The following EPB41L4A variants were observed in gnomAD, a reference collection of about 807,000 sequenced individuals.
EPB41L4A encodes the protein erythrocyte membrane protein band 4.1 like 4A, also known as band 4.1-like protein 4A.
A neutral mutation model predicts 108.6 loss-of-function variants in EPB41L4A; 100 were observed. The observed-to-expected ratio is 0.92, with a 90% CI of 0.78 to 1.09. EPB41L4A has a LOEUF of 1.09. Ranked by LOEUF, EPB41L4A falls within the 50% of genes least tolerant of loss-of-function variation. The pLI is 0.00. For synonymous variants in EPB41L4A, 319 were observed against 289.0 expected (o/e 1.10, Z -1.05); for missense variants, 1,030 against 842.7 (o/e 1.22, Z -2.75).
chr5:112,142,835 T>C (rs1192352280), exon 14 of EPB41L4A: 1 of 152,228 alleles, frequency 6.6e-6, no homozygotes, highest in Non-Finnish European at 1.5e-5. Flanking sequence ...CCTTTCTATA[T>C]CCACTCTCCT....
intron 1 of EPB41L4A, among the ~76,000 whole-genome samples, chr5:112,340,173 G>T (rs578222801): frequency 6.6e-6 from 1 of 152,054 alleles, no homozygotes; most frequent in Non-Finnish European, 1.5e-5. Flanking sequence ...AGGGAGTGAC[G>T]GAAGGAAAGG....
chr5:112,194,956 A>G (rs971965417), intron 16 of EPB41L4A, among the ~76,000 whole-genome samples: 10 of 152,344 alleles, frequency 6.6e-5, no homozygotes, highest in South Asian at 2.1e-4. Context: ...CAAAGCCGTA[A>G]GTCGGTGGTG....
chr5:112,395,733 A>C (rs941819060), intron 1 of EPB41L4A, among the ~76,000 whole-genome samples: 1 of 152,214 alleles, frequency 6.6e-6, no homozygotes, highest in African/African-American at 2.4e-5. Context: ...TGACCCAGTG[A>C]TCCCATTACT....
rs970221348 is a variant in EPB41L4A, at chr5:112,164,628, GT to G, written c.*361del. 5 of 156,344 alleles carry G rather than the reference GT, an allele frequency of 3.2e-5. No homozygotes were observed. The highest frequency in any genetic ancestry group is 1.2e-4 in the African/African-American group (5 of 41,502). The allele number at this position is 156,344 out of a possible 1,614,324, so 9.7% of individuals were successfully genotyped here. A position where few individuals can be genotyped will look rare whatever the true frequency, so the allele number is the denominator to read the frequency against. ...GCAGGCGGATCACTTGAGGTCAGGA[GT>G]TCGAGACCAGCCTCCAACATGGCAA... is the stretch of plus-strand genomic sequence containing the variant. On this transcript the variant is annotated 3_prime_UTR_variant, in exon 23 of 23. Coordinates refer to ENST00000261486, the MANE Select transcript of EPB41L4A (RefSeq NM_022140.5).
intron 1 of EPB41L4A, among the ~76,000 whole-genome samples, chr5:112,392,992 T>C (rs1254168306): frequency 1.3e-5 from 2 of 152,176 alleles, no homozygotes; most frequent in African/African-American, 4.8e-5. Context: ...GAATCACTAC[T>C]GGGTAAATAA....
chr5:112,407,391 C>A lies in EPB41L4A; in HGVS notation c.99+11550G>T, dbSNP rs545324932. Among the ~76,000 whole-genome samples, 6 of 152,256 alleles carry A rather than the reference C, an allele frequency of 3.9e-5. No homozygotes were observed. The East Asian group carries it at 1.2e-3, about 29-fold the overall frequency. ...GCCACAGCTGCTCCAAATGCCTTAA[C>A]CTACAATCCTGCTAGAAATCCCCAA... is the stretch of plus-strand genomic sequence containing the variant. On this transcript the variant is annotated intron_variant, in intron 1 of 22. Transcript: ENST00000261486.
At chr5:112,419,444 T>C (rs1762948485), upstream of EPB41L4A, 2 of 359,070 alleles carry the variant, frequency 5.6e-6, no homozygotes, top group Non-Finnish European at 5.5e-6. Context: ...CTCCCCGGCC[T>C]TGGAAAACCC....
exon 13 of EPB41L4A, chr5:112,145,988 G>C (rs923203680): frequency 2.2e-6 from 1 of 456,416 alleles, no homozygotes; most frequent in African/African-American, 2.0e-5. Flanking sequence ...AGGTCTGGAG[G>C]TCTGGACACC....
intron 13 of EPB41L4A, among the ~76,000 whole-genome samples, chr5:112,206,548 T>A (rs925444309): frequency 6.6e-6 from 1 of 152,160 alleles, no homozygotes; most frequent in Non-Finnish European, 1.5e-5. Context: ...GCTTACCTTT[T>A]GAAATGATGA....
chr5:112,188,689 C>A (rs1162148490), intron 17 of EPB41L4A, among the ~76,000 whole-genome samples: 4 of 152,180 alleles, frequency 2.6e-5, no homozygotes, highest in African/African-American at 7.2e-5. Flanking sequence ...GAACTCTTCT[C>A]TCCGTACCCA....
chr5:112,286,581 G>A (rs1307514267), intron 2 of EPB41L4A, among the ~76,000 whole-genome samples: 3 of 152,026 alleles, frequency 2.0e-5, no homozygotes, highest in Non-Finnish European at 2.9e-5. Context: ...TCCTGGCCCC[G>A]TCGACCAACC....
intron 1 of EPB41L4A, among the ~76,000 whole-genome samples, chr5:112,403,504 G>A (rs1411024939): frequency 6.6e-6 from 1 of 152,074 alleles, no homozygotes; most frequent in African/African-American, 2.4e-5. Flanking sequence ...TAGAGACAGG[G>A]TCTCACTCTG....
chr5:112,181,567 A>G (rs781749917), intron 18 of EPB41L4A, among the ~76,000 whole-genome samples: 1 of 152,236 alleles, frequency 6.6e-6, no homozygotes, highest in Non-Finnish European at 1.5e-5. Context: ...GAATGTCTAT[A>G]ACGCAATGGC....
At chr5:112,375,142 A>G (rs1759730580) in intron 1 of EPB41L4A, among the ~76,000 whole-genome samples, 1 of 152,178 alleles carries the variant, frequency 6.6e-6, no homozygotes. Context: ...TTTAAAGGAC[A>G]GAGTTGAGAC....
intron 1 of EPB41L4A, among the ~76,000 whole-genome samples, chr5:112,402,523 G>A (rs991188242): frequency 2.6e-5 from 4 of 151,962 alleles, no homozygotes; most frequent in Admixed American, 6.6e-5. Flanking sequence ...TTGCTTCAGC[G>A]GCACATATAC....
At position 112,189,649 on chromosome 5, in the gene EPB41L4A, T is replaced by G. The variant is rs142100301; in HGVS notation, c.1502+4919A>C. 2.0e-5 allele frequency among the ~76,000 whole-genome samples: 3 copies of G among 152,222 alleles called. No homozygotes were observed. The East Asian group carries it at 5.8e-4, about 29-fold the overall frequency. ...TTCTCTGTTTTAATACTTGGTAGGC[T>G]CCCAAGTTATTTCTACTTTTATGCT... On this transcript the variant is annotated intron_variant, in intron 17 of 22. Coordinates refer to ENST00000261486, the MANE Select transcript of EPB41L4A (RefSeq NM_022140.5).
At position 112,340,142 on chromosome 5, in the gene EPB41L4A, A is replaced by G. The variant is rs188542313; in HGVS notation, c.100-32652T>C. 2.0e-5 allele frequency among the ~76,000 whole-genome samples: 3 copies of G among 152,320 alleles called. No individual in the cohort carries two copies. The East Asian group carries it at 5.8e-4, about 29-fold the overall frequency. On this transcript the variant is annotated intron_variant, in intron 1 of 22. Transcript: ENST00000261486. ...CCTTTCAACAAAGTGTTAAGGTCAG[A>G]GTCAAGTCTGCAAAAGATTGAGGGA...
intron 1 of EPB41L4A, among the ~76,000 whole-genome samples, chr5:112,370,520 G>A (rs935265936): frequency 4.6e-5 from 7 of 151,998 alleles, no homozygotes; most frequent in African/African-American, 9.7e-5. Flanking sequence ...CATTTTGATT[G>A]ATGATAACCA....
At chr5:112,350,871 A>G (rs150870182) in intron 1 of EPB41L4A, among the ~76,000 whole-genome samples, 1 of 152,196 alleles carries the variant, frequency 6.6e-6, no homozygotes, top group Admixed American at 6.5e-5. Context: ...CCATTCATCC[A>G]TTAGTGGACA....
Sources: allele counts gnomAD v4.1 joint callset (sites outside exome capture counted in the v4.1 genomes callset), GRCh38; gene constraint gnomAD v4.1.1; transcripts MANE v1.5; gene names NCBI Gene and HGNC (gene_info 2026-07-23, HGNC 2026-07-21).